Variants in C4orf50 observed in about 807,000 individuals in gnomAD.
C4orf50 encodes chromosome 4 open reading frame 50.
C4orf50 carries 80 observed loss-of-function variants against 77.2 expected under a neutral mutation model. The ratio of observed to expected loss-of-function variants is 1.04; its 90% CI spans 0.87 to 1.25. The LOEUF (loss-of-function observed/expected upper bound fraction) is 1.25. Ranked by LOEUF, C4orf50 falls within the 50% of genes most tolerant of loss-of-function variation. The pLI is 0.00. For synonymous variants in C4orf50, 532 were observed against 465.3 expected, an observed-to-expected ratio of 1.14 and a Z score of -1.84; for missense variants, 1,257 against 1,152.9, an observed-to-expected ratio of 1.09 and a Z score of -1.31.
intron 25 of C4orf50, among the ~76,000 whole-genome samples, chr4:6,002,389 A>G (rs1264962924): frequency 6.6e-6 from 1 of 152,170 alleles, no homozygotes; most frequent in Non-Finnish European, 1.5e-5. Context: ...AGGAGAGAAT[A>G]AATGTCTGCC....
chr4:5,902,396 G>A lies in C4orf50; in HGVS notation c.*2475-4208C>T, dbSNP rs554052143. The A allele has an allele frequency of 4.6e-5, 7 of 152,294 alleles. No individual in the cohort carries two copies. The South Asian group carries it at 1.5e-3, about 32-fold the overall frequency. The allele number at this position is 152,294 out of a possible 1,614,324, so 9.4% of individuals were successfully genotyped here. A position where few individuals can be genotyped will look rare whatever the true frequency, so the allele number is the denominator to read the frequency against. On this transcript the variant is annotated intron_variant, in intron 7 of 7. Transcript: ENST00000324058. ...CTGCCCAGTGCCCTCAGTGGCTAAT[G>A]CGTCAAGCTTAGGTTTTGAAATCAG... is the stretch of plus-strand genomic sequence containing the variant.
At chr4:5,943,023 T>G (rs1718328429) in intron 7 of C4orf50, among the ~76,000 whole-genome samples, 2 of 152,164 alleles carry the variant, frequency 1.3e-5, no homozygotes, top group South Asian at 4.2e-4. Context: ...AAAATATGTT[T>G]CTTTCTCTCT....
intron 7 of C4orf50, among the ~76,000 whole-genome samples, chr4:5,949,095 ATGGCCAAT>A (rs1196975425): frequency 7.2e-5 from 11 of 152,234 alleles, no homozygotes; most frequent in African/African-American, 2.4e-4. Flanking sequence ...TCTGGAGCCA[ATGGCCAAT>A]TCAAGGACAG....
chr4:5,971,199 C>A (rs778714599), intron 31 of C4orf50, among the ~76,000 whole-genome samples: 54 of 152,232 alleles, frequency 3.5e-4, no homozygotes, highest in Non-Finnish European at 1.9e-4. Flanking sequence ...TCCTCCTGGG[C>A]TCCTAGCCAG....
intron 31 of C4orf50, among the ~76,000 whole-genome samples, chr4:5,969,537 G>A (rs2108771238): frequency 6.6e-6 from 1 of 152,012 alleles, no homozygotes; most frequent in East Asian, 1.9e-4. Context: ...CCGACTGGAT[G>A]ACTCTCCCCT....
At position 6,008,064 on chromosome 4, in the gene C4orf50, G is replaced by C. The variant is rs1387682549; in HGVS notation, c.895C>G (p.Leu299Val). The C allele has an allele frequency of 5.0e-6, 2 of 399,278 alleles. No homozygotes were observed. The highest frequency in any genetic ancestry group is 4.1e-5 in the African/African-American group (2 of 48,766). 24.7% of individuals were successfully genotyped at this position (399,278 alleles called of 1,614,324 possible). A position where few individuals can be genotyped will look rare whatever the true frequency, so the allele number is the denominator to read the frequency against. ...CGCAGGCACTGGTTTTGCTGGGCGA[G>C]GTCCTCCACCTGGCCCTGCAGGCCA... is the stretch of plus-strand genomic sequence containing the variant. The change falls in exon 25 of 34, where the codon CTC (leucine) becomes GTC (valine). Residue 299 changes from leucine (L) to valine (V), a missense_variant. Leu to Val is a conservative substitution (Grantham distance 32). Transcript: ENST00000531445. The surrounding 1 kb of genome is among the most constrained non-coding windows in gnomAD (Gnocchi z 6.0).
chr4:5,999,106 A>G (rs1398795213), intron 25 of C4orf50, among the ~76,000 whole-genome samples: 1 of 152,218 alleles, frequency 6.6e-6, no homozygotes, highest in African/African-American at 2.4e-5. Flanking sequence ...TACCTTGCAG[A>G]GTTCATGAGT....
chr4:5,966,420 A>C (rs911560748), intron 32 of C4orf50, among the ~76,000 whole-genome samples: 7 of 151,488 alleles, frequency 4.6e-5, no homozygotes, highest in Non-Finnish European at 1.5e-5. Flanking sequence ...GGTTGCAGTG[A>C]GCCGAGATCA....
chr4:5,957,264 C>T (rs1421158192), exon 34 of C4orf50: 1 of 152,312 alleles, frequency 6.6e-6, no homozygotes, highest in African/African-American at 2.4e-5. Flanking sequence ...CGACGGACGT[C>T]TGAGCTCCTG....
intron 7 of C4orf50, among the ~76,000 whole-genome samples, chr4:5,925,502 A>C (rs1269253828): frequency 1.3e-5 from 2 of 152,248 alleles, no homozygotes; most frequent in Non-Finnish European, 2.9e-5. Flanking sequence ...GGACGGTACC[A>C]GTGGACAAGG....
chr4:5,971,112 G>A (rs894031123), intron 31 of C4orf50, among the ~76,000 whole-genome samples: 4 of 152,188 alleles, frequency 2.6e-5, no homozygotes, highest in Non-Finnish European at 5.9e-5. Flanking sequence ...CCTGGCTGAA[G>A]TTCCCAGGAC....
chr4:5,989,427 C>G, exon 28 of C4orf50: 1 of 1,536,116 alleles, frequency 6.5e-7, no homozygotes, highest in South Asian at 1.2e-5. Context: ...CTTCACCACT[C>G]TCTTTAGACT....
chr4:6,006,874 G>A (rs1722270794), intron 25 of C4orf50, among the ~76,000 whole-genome samples: 1 of 152,198 alleles, frequency 6.6e-6, no homozygotes. Context: ...AGTCTAAAGA[G>A]GGAGAACTGA....
chr4:5,990,755 A>C, exon 28 of C4orf50: 1 of 398,872 alleles, frequency 2.5e-6, no homozygotes. Flanking sequence ...TCGTCCAAGC[A>C]CTCCTCTGGT....
At chr4:5,989,940 G>C in exon 28 of C4orf50, 1 of 1,421,606 alleles carries the variant, frequency 7.0e-7, no homozygotes, top group Non-Finnish European at 9.2e-7. Context: ...TTTCCTCCTT[G>C]CCCCTAGCTG....
chr4:5,979,548 A>C (rs1720457631), intron 29 of C4orf50, among the ~76,000 whole-genome samples: 1 of 152,236 alleles, frequency 6.6e-6, no homozygotes, highest in Admixed American at 6.5e-5. Context: ...AAGGTTGAGG[A>C]GAAGGAAAGC....
chr4:5,974,080 T>C (rs1370198612), intron 30 of C4orf50, among the ~76,000 whole-genome samples: 3 of 152,066 alleles, frequency 2.0e-5, no homozygotes, highest in Non-Finnish European at 4.4e-5. Context: ...GGGTCTAGGC[T>C]CAAGGCAGCA....
chr4:6,016,287 G>A lies in C4orf50; in HGVS notation c.287+1858C>T, dbSNP rs145692866. 1.4e-4 allele frequency among the ~76,000 whole-genome samples: 22 copies of A among 152,272 alleles called. No homozygotes were observed. The East Asian group carries it at 3.1e-3, about 21-fold the overall frequency. On this transcript the variant is annotated intron_variant, in intron 23 of 33. Coordinates refer to ENST00000531445, the Ensembl canonical transcript of C4orf50. Reference sequence around the variant, plus strand: ...TTTGTGGCCAGGTGTGGTGGCTCACGTCTATAATCCCAACACTTTGGGAGG... The same window carrying A: ...TTTGTGGCCAGGTGTGGTGGCTCACATCTATAATCCCAACACTTTGGGAGG...
At chr4:5,907,147 C>T (rs535563475) in intron 7 of C4orf50, among the ~76,000 whole-genome samples, 1 of 152,296 alleles carries the variant, frequency 6.6e-6, no homozygotes, top group Non-Finnish European at 1.5e-5. Flanking sequence ...ACAAGTTAAG[C>T]TTGTAGTAAC....
Sources: gnomAD v4.1 joint callset for allele counts (sites outside exome capture counted in the v4.1 genomes callset) on GRCh38, gnomAD v4.1.1 for gene constraint, Gnocchi (gnomAD v3.1) non-coding constraint, MANE v1.5 for transcripts, NCBI Gene and HGNC (gene_info 2026-07-23, HGNC 2026-07-21) for gene names.